The following DRC8 variants were observed in gnomAD, a reference collection of about 807,000 sequenced individuals.
DRC8 encodes the protein dynein regulatory complex protein 8.
At chr1:245,081,981 C>T in the DRC8 span, 32 of 913,410 alleles carry the variant, frequency 3.5e-5, no homozygotes, top group East Asian at 3.1e-4. Context: ...CAAGTGTGCT[C>T]ACCATCCAGA....
chr1:245,061,547 G>A, the DRC8 span, among the ~76,000 whole-genome samples: 148 of 152,140 alleles, frequency 9.7e-4, no homozygotes, highest in Admixed American at 1.7e-3. Context: ...CTGATAAACA[G>A]CTTTGGGTAT....
chr1:245,068,996 T>C, the DRC8 span, among the ~76,000 whole-genome samples: 1 of 152,186 alleles, frequency 6.6e-6, no homozygotes. Flanking sequence ...CCTTCTGTTA[T>C]CTAGTTTTTA....
At chr1:244,983,632 C>T in the DRC8 span, among the ~76,000 whole-genome samples, 5 of 148,662 alleles carry the variant, frequency 3.4e-5, no homozygotes, top group South Asian at 2.2e-4. Flanking sequence ...CCCAGCTACT[C>T]GGGAGGCCGA....
At chr1:245,110,564 A>G in the DRC8 span, among the ~76,000 whole-genome samples, 1 of 152,254 alleles carries the variant, frequency 6.6e-6, no homozygotes, top group African/African-American at 2.4e-5. Context: ...CATTAACTCT[A>G]ATGGACCACA....
chr1:245,086,878 C>A, the DRC8 span: 9 of 516,814 alleles, frequency 1.7e-5, no homozygotes, highest in Non-Finnish European at 3.2e-5. Context: ...ATCTTCCTTC[C>A]ATCTTTCATC....
At chr1:245,042,238 A>G in the DRC8 span, among the ~76,000 whole-genome samples, 1 of 152,202 alleles carries the variant, frequency 6.6e-6, no homozygotes, top group African/African-American at 2.4e-5. Context: ...TGTAATATCC[A>G]GTATTTTGTA....
the DRC8 span, among the ~76,000 whole-genome samples, chr1:245,021,590 C>T: frequency 6.6e-6 from 1 of 152,040 alleles, no homozygotes; most frequent in Non-Finnish European, 1.5e-5. Flanking sequence ...TGCCCACCAC[C>T]ACGCCCATCT....
chr1:244,973,123 C>G, the DRC8 span, among the ~76,000 whole-genome samples: 4 of 152,132 alleles, frequency 2.6e-5, no homozygotes, highest in African/African-American at 9.7e-5. Flanking sequence ...TCATAAAAGA[C>G]TGATGTGCAA....
the DRC8 span, among the ~76,000 whole-genome samples, chr1:245,063,395 A>T: frequency 0.074 from 11,297 of 152,192 alleles, 484 homozygotes; most frequent in African/African-American, 0.095. Flanking sequence ...TCTCAGGGGT[A>T]CTCCCCTAGC....
At chr1:245,020,103 C>G in the DRC8 span, among the ~76,000 whole-genome samples, 1 of 152,174 alleles carries the variant, frequency 6.6e-6, no homozygotes, top group African/African-American at 2.4e-5. Flanking sequence ...TGCTTTATCC[C>G]TCAGGTGGAG....
the DRC8 span, among the ~76,000 whole-genome samples, chr1:245,041,000 C>T: frequency 1.3e-5 from 2 of 152,078 alleles, no homozygotes; most frequent in African/African-American, 4.8e-5. Flanking sequence ...GATGATGTAA[C>T]AAAATGTGCT....
chr1:245,086,024 C>T, the DRC8 span, among the ~76,000 whole-genome samples: 2 of 152,230 alleles, frequency 1.3e-5, no homozygotes, highest in Non-Finnish European at 2.9e-5. Flanking sequence ...GCAGTGTATA[C>T]AGAGACAGTG....
At chr1:244,980,219 A>C in the DRC8 span, among the ~76,000 whole-genome samples, 1 of 110,228 alleles carries the variant, frequency 9.1e-6, no homozygotes, top group Non-Finnish European at 1.9e-5. Context: ...ACTCCGTCTC[A>C]AAAAAAAAAA....
chr1:244,970,641 GCCCCGCCCCGCCCCGC>G, the DRC8 span: 2 of 90,098 alleles, frequency 2.2e-5, no homozygotes, highest in Non-Finnish European at 3.5e-5. Context: ...CCGCCGCTCC[GCCCCGCCCCGCCCCGC>G]CTCTCTCCCC....
the DRC8 span, among the ~76,000 whole-genome samples, chr1:245,105,425 C>A: frequency 5.3e-3 from 812 of 152,060 alleles, 11 homozygotes; most frequent in African/African-American, 0.018. Flanking sequence ...TGAAGACCAG[C>A]CTGGGCAACA....
chr1:245,044,105 A>C, the DRC8 span: 3 of 152,236 alleles, frequency 2.0e-5, no homozygotes, highest in African/African-American at 7.2e-5. Flanking sequence ...AATTGTAATA[A>C]ATACAATTTA....
the DRC8 span, among the ~76,000 whole-genome samples, chr1:245,111,420 T>C: frequency 1.7e-4 from 26 of 152,222 alleles, no homozygotes; most frequent in African/African-American, 6.3e-4. Flanking sequence ...TCCAAAGTCA[T>C]TTGCAGAATA....
the DRC8 span, among the ~76,000 whole-genome samples, chr1:245,047,126 CACTT>C: frequency 6.6e-6 from 1 of 152,218 alleles, no homozygotes; most frequent in Non-Finnish European, 1.5e-5. Context: ...TTTCCACACA[CACTT>C]GACTCCAGCA....
chr1:245,047,857 A>G, the DRC8 span, among the ~76,000 whole-genome samples: 3 of 148,282 alleles, frequency 2.0e-5, no homozygotes, highest in East Asian at 6.1e-4. Context: ...CGTACCTGTA[A>G]TCTCTTATTT....
Sources: gnomAD v4.1 joint callset for allele counts (sites outside exome capture counted in the v4.1 genomes callset) on GRCh38, gnomAD v4.1.1 for gene constraint, MANE v1.5 for transcripts, NCBI Gene and HGNC (gene_info 2026-07-23, HGNC 2026-07-21) for gene names.